Variants in KIAA0825 observed in about 807,000 individuals in gnomAD.
KIAA0825 encodes the protein uncharacterized protein KIAA0825.
A neutral mutation model predicts 147.6 loss-of-function variants in KIAA0825; 119 were observed. The observed-to-expected ratio is 0.81, with a 90% CI of 0.69 to 0.94. The LOEUF (loss-of-function observed/expected upper bound fraction) is 0.94. KIAA0825 is among the 40% of genes least tolerant of loss of function. The pLI is 0.00. For missense variants in KIAA0825, 1,381 were observed against 1,472.7 expected (o/e 0.94, Z 1.02); for synonymous variants, 470 against 518.1 (o/e 0.91, Z 1.26).
intron 20 of KIAA0825, among the ~76,000 whole-genome samples, chr5:94,284,444 T>G (rs528469172): frequency 6.6e-6 from 1 of 152,250 alleles, no homozygotes; most frequent in South Asian, 2.1e-4. Context: ...CCATTCTAAC[T>G]ACCACAGCAC....
Position 94,408,664 on chromosome 5 carries a change from C to T in KIAA0825, c.2663-4871G>A, listed in dbSNP as rs540993882. 2.6e-5 allele frequency among the ~76,000 whole-genome samples: 4 copies of T among 152,168 alleles called. No individual in the cohort carries two copies. The East Asian group carries it at 7.7e-4, about 29-fold the overall frequency. ...TTGGGATTACAGGCATGAGCCACCA[C>T]GCCTGGCCCAGAGTGAATCTTGTGG... On this transcript the variant is annotated intron_variant, in intron 15 of 20. Transcript: ENST00000682413.
intron 20 of KIAA0825, among the ~76,000 whole-genome samples, chr5:94,367,486 G>A (rs1376451908): frequency 4.6e-5 from 7 of 151,832 alleles, no homozygotes; most frequent in East Asian, 1.9e-4. Flanking sequence ...CAACAAGAGC[G>A]ACACTCGATC....
At chr5:94,406,624 T>C (rs745945438) in intron 15 of KIAA0825, among the ~76,000 whole-genome samples, 6 of 152,174 alleles carry the variant, frequency 3.9e-5, no homozygotes, top group Non-Finnish European at 7.3e-5. Context: ...ACTCTGGAAA[T>C]TAACCACAGG....
intron 20 of KIAA0825, among the ~76,000 whole-genome samples, chr5:94,223,851 G>A (rs1773892849): frequency 1.3e-5 from 2 of 152,016 alleles, no homozygotes; most frequent in Non-Finnish European, 2.9e-5. Flanking sequence ...ACATGCCTTA[G>A]TTAAAGATTA....
At chr5:94,227,377 T>A (rs1226848416) in intron 20 of KIAA0825, among the ~76,000 whole-genome samples, 1 of 151,312 alleles carries the variant, frequency 6.6e-6, no homozygotes, top group Non-Finnish European at 1.5e-5. Flanking sequence ...AAGGGGAATA[T>A]CACACTCTGG....
chr5:94,603,389 A>G lies in KIAA0825; in HGVS notation c.-153+15111T>C, dbSNP rs1248361454. 1.3e-5 allele frequency among the ~76,000 whole-genome samples: 2 copies of G among 152,206 alleles called. 1 individual carries two copies. Among genetic ancestry groups the G allele is most frequent in the African/African-American group, 4.8e-5 (2 of 41,454 alleles). ...CAAGCAAATGCTGAGGAAATTTGTT[A>G]CCACCATACCTGCCTTACAAGAGCT... On this transcript the variant is annotated intron_variant, in intron 1 of 20. Coordinates refer to ENST00000682413, the MANE Select transcript of KIAA0825 (RefSeq NM_001145678.3).
intron 1 of KIAA0825, among the ~76,000 whole-genome samples, chr5:94,590,657 T>C (rs1328304221): frequency 6.6e-6 from 1 of 152,170 alleles, no homozygotes; most frequent in African/African-American, 2.4e-5. Context: ...TTGATGACAA[T>C]GTCAGCCGGC....
chr5:94,552,374 A>G (rs1211928772), intron 2 of KIAA0825, among the ~76,000 whole-genome samples: 1 of 152,290 alleles, frequency 6.6e-6, no homozygotes, highest in East Asian at 1.9e-4. Flanking sequence ...ACAGAAAATC[A>G]ACAAAGAAAC....
chr5:94,271,412 T>TA (rs1261554047), intron 20 of KIAA0825, among the ~76,000 whole-genome samples: 4 of 152,042 alleles, frequency 2.6e-5, no homozygotes, highest in Non-Finnish European at 5.9e-5. Context: ...CAAACAACTC[T>TA]ATAGGAAAAA....
chr5:94,453,068 T>A lies in KIAA0825; in HGVS notation c.2248A>T (p.Thr750Ser). 1 of 1,466,962 alleles carries A rather than the reference T, an allele frequency of 6.8e-7. No homozygotes were observed. The highest frequency in any genetic ancestry group is 9.1e-7 in the Non-Finnish European group (1 of 1,095,700). 90.9% of individuals were successfully genotyped at this position (1,466,962 alleles called of 1,614,324 possible). A position where few individuals can be genotyped will look rare whatever the true frequency, so the allele number is the denominator to read the frequency against. Residue 750 changes from threonine (T) to serine (S), a missense_variant and splice_region_variant, in exon 13 of 21, where the codon ACT (threonine) becomes TCT (serine). Transcript: ENST00000682413. ...LTSPLTELYK[T>S]FQHGLDESAS... ...GACTCATCCAGGCCATGCTGAAAAG[T>A]CCTAGGGAAATACAAATAATTAGTT...
intron 1 of KIAA0825, among the ~76,000 whole-genome samples, chr5:94,615,883 A>T (rs781722541): frequency 1.3e-5 from 2 of 152,086 alleles, no homozygotes; most frequent in African/African-American, 2.4e-5. Flanking sequence ...GTGCAGTAGT[A>T]TGATCATAGT....
At chr5:94,178,954 AG>A (rs1769353279) in intron 20 of KIAA0825, among the ~76,000 whole-genome samples, 2 of 152,120 alleles carry the variant, frequency 1.3e-5, no homozygotes, top group African/African-American at 4.8e-5. Flanking sequence ...CAGCCCTAAA[AG>A]GGAACAAACT....
chr5:94,422,430 T>C (rs949650790), intron 14 of KIAA0825, among the ~76,000 whole-genome samples: 8 of 152,188 alleles, frequency 5.3e-5, no homozygotes, highest in Non-Finnish European at 1.0e-4. Context: ...CACCTAAATA[T>C]AAAATAGAAA....
At chr5:94,602,085 C>T (rs1385801059) in intron 1 of KIAA0825, among the ~76,000 whole-genome samples, 1 of 152,160 alleles carries the variant, frequency 6.6e-6, no homozygotes, top group Non-Finnish European at 1.5e-5. Flanking sequence ...CGAGGTGGCT[C>T]ACGCCTATAA....
chr5:94,591,491 A>C (rs1031012373), intron 1 of KIAA0825, among the ~76,000 whole-genome samples: 1 of 152,200 alleles, frequency 6.6e-6, no homozygotes, highest in African/African-American at 2.4e-5. Context: ...GGTACCCCCC[A>C]AAAAAGCCTG....
In KIAA0825 at chr5:94,187,465, C is replaced by T. The variant is rs554125289; in HGVS notation, c.3711-33341G>A. Reference sequence around the variant, plus strand: ...GTTTTGAGATGGAGTCTCACTCTGTCGCCCAGGCTGGAGTGCAGTAGCGAG... The same window carrying T: ...GTTTTGAGATGGAGTCTCACTCTGTTGCCCAGGCTGGAGTGCAGTAGCGAG... On this transcript the variant is annotated intron_variant, in intron 20 of 20. Transcript: ENST00000682413. Among the ~76,000 whole-genome samples, 4 of 134,284 alleles carry T rather than the reference C, an allele frequency of 3.0e-5. No individual in the cohort carries two copies. The East Asian group carries it at 9.0e-4, about 30-fold the overall frequency. 88.1% of individuals were successfully genotyped at this position (134,284 alleles called of 152,430 possible).
chr5:94,362,155 CT>C (rs1268848573), intron 20 of KIAA0825, among the ~76,000 whole-genome samples: 5 of 152,184 alleles, frequency 3.3e-5, no homozygotes, highest in Non-Finnish European at 7.3e-5. Flanking sequence ...GCCATTTGAT[CT>C]ATGAACTACA....
chr5:94,538,845 T>C (rs1772676127), intron 2 of KIAA0825, among the ~76,000 whole-genome samples: 1 of 152,200 alleles, frequency 6.6e-6, no homozygotes, highest in Non-Finnish European at 1.5e-5. Context: ...TTAGGATTTG[T>C]GAACAGAAGC....
intron 20 of KIAA0825, among the ~76,000 whole-genome samples, chr5:94,282,327 T>A (rs1777502192): frequency 6.6e-6 from 1 of 152,084 alleles, no homozygotes; most frequent in Non-Finnish European, 1.5e-5. Flanking sequence ...TATTTTAAAA[T>A]TTATATGATT....
Sources: gnomAD v4.1 joint callset for allele counts (sites outside exome capture counted in the v4.1 genomes callset) on GRCh38, gnomAD v4.1.1 for gene constraint, MANE v1.5 for transcripts, NCBI Gene and HGNC (gene_info 2026-07-23, HGNC 2026-07-21) for gene names.